Variants in TENM2 observed in about 807,000 individuals in gnomAD.
TENM2 encodes the protein teneurin-2.
In TENM2, 52 loss-of-function variants were observed where a neutral mutation model predicts 245.2. The ratio of observed to expected loss-of-function variants is 0.21; its 90% CI spans 0.17 to 0.27. The LOEUF is 0.27. TENM2 is among the 10% of genes least tolerant of loss of function. The pLI is 1.00. For missense variants in TENM2, 3,046 were observed against 3,666.8 expected, an observed-to-expected ratio of 0.83 and a Z score of 4.37; for synonymous variants, 1,363 against 1,438.9, an observed-to-expected ratio of 0.95 and a Z score of 1.19.
intron 2 of TENM2, among the ~76,000 whole-genome samples, chr5:167,439,734 T>C (rs993168794): frequency 6.6e-6 from 1 of 152,244 alleles, no homozygotes; most frequent in African/African-American, 2.4e-5. Flanking sequence ...ACATTATCCT[T>C]CTTCATCTGT....
At chr5:167,357,170 TA>T (rs1759392079) in intron 1 of TENM2, among the ~76,000 whole-genome samples, 2 of 152,210 alleles carry the variant, frequency 1.3e-5, no homozygotes, top group Non-Finnish European at 2.9e-5. Context: ...ATTTGTAACG[TA>T]ATACTAATTG....
chr5:167,698,684 T>TG (rs1554102356), intron 2 of TENM2, among the ~76,000 whole-genome samples: 116 of 133,190 alleles, frequency 8.7e-4, no homozygotes, highest in Middle Eastern at 7.3e-3. Context: ...TTTTTGTTTT[T>TG]TTTTTTTTTT....
the TENM2 span, among the ~76,000 whole-genome samples, chr5:167,180,989 A>G: frequency 1.3e-5 from 2 of 151,926 alleles, no homozygotes; most frequent in East Asian, 3.9e-4. Context: ...ATCCACATGT[A>G]ATGGGACCTA....
At chr5:167,016,911 C>T in the TENM2 span, among the ~76,000 whole-genome samples, 36 of 152,116 alleles carry the variant, frequency 2.4e-4, no homozygotes, top group African/African-American at 8.4e-4. Flanking sequence ...GAAGAATTAT[C>T]GAAGAAACCT....
intron 1 of TENM2, among the ~76,000 whole-genome samples, chr5:167,366,273 A>G (rs545742727): frequency 6.6e-6 from 1 of 152,272 alleles, no homozygotes; most frequent in African/African-American, 2.4e-5. Context: ...ATTTGAAAGC[A>G]TAAATGAAAT....
the TENM2 span, among the ~76,000 whole-genome samples, chr5:167,140,796 G>T: frequency 6.6e-6 from 1 of 152,158 alleles, no homozygotes; most frequent in Non-Finnish European, 1.5e-5. Flanking sequence ...CAAGATGAGA[G>T]AAGGATGTGT....
At chr5:167,248,242 A>G in the TENM2 span, among the ~76,000 whole-genome samples, 12 of 152,124 alleles carry the variant, frequency 7.9e-5, no homozygotes, top group East Asian at 2.3e-3. Context: ...ATTTGGGTTT[A>G]TATGTATTTT....
At chr5:167,696,533 C>G (rs181724108) in intron 2 of TENM2, among the ~76,000 whole-genome samples, 12 of 152,270 alleles carry the variant, frequency 7.9e-5, no homozygotes, top group Non-Finnish European at 2.9e-5. Flanking sequence ...ACTTATTTAT[C>G]GTTCTCTAAA....
intron 9 of TENM2, among the ~76,000 whole-genome samples, chr5:168,110,501 G>T (rs1392397822): frequency 6.6e-6 from 1 of 152,116 alleles, no homozygotes; most frequent in African/African-American, 2.4e-5. Flanking sequence ...CAAAAACAAG[G>T]GAAGGAAGAA....
rs538902579 is a variant in TENM2, at chr5:167,692,302, C to T, written c.503-183684C>T. Among the ~76,000 whole-genome samples, 12 of 152,314 alleles carry T rather than the reference C, an allele frequency of 7.9e-5. No homozygotes were observed. The East Asian group carries it at 2.3e-3, about 29-fold the overall frequency. On this transcript the variant is annotated intron_variant, in intron 2 of 28. Transcript: ENST00000518659. Reference sequence around the variant, plus strand: ...GGCCGAAGGCAATTGCCCCCATTCACTCTAACTTAGTAAATTAGTTCCTAA... The same window carrying T: ...GGCCGAAGGCAATTGCCCCCATTCATTCTAACTTAGTAAATTAGTTCCTAA...
chr5:167,176,423 C>G, the TENM2 span, among the ~76,000 whole-genome samples: 1 of 152,188 alleles, frequency 6.6e-6, no homozygotes, highest in Non-Finnish European at 1.5e-5. Flanking sequence ...TTCTATCTAA[C>G]TGGGCTGCAC....
chr5:168,051,885 A>C (rs1414352070), intron 6 of TENM2, among the ~76,000 whole-genome samples: 2 of 152,186 alleles, frequency 1.3e-5, no homozygotes, highest in East Asian at 3.9e-4. Context: ...GTTGAAACTG[A>C]TGTCATCTTT....
At chr5:167,507,822 T>G (rs1224361396) in intron 2 of TENM2, among the ~76,000 whole-genome samples, 1 of 152,168 alleles carries the variant, frequency 6.6e-6, no homozygotes, top group Non-Finnish European at 1.5e-5. Context: ...TTTTTCCTCT[T>G]GTTTTGTTTT....
At position 168,078,711 on chromosome 5, in the gene TENM2, G is replaced by C. The variant is rs536473506; in HGVS notation, c.1516-11863G>C. ...AATCCTTTCCCCATTTCTTGTTTTT[G>C]TCAGGTTTGTCAAAGATCAGATGGT... On this transcript the variant is annotated intron_variant, in intron 7 of 28. Transcript: ENST00000518659. Among the ~76,000 whole-genome samples the C allele has an allele frequency of 3.3e-5, 5 of 152,090 alleles. No homozygotes were observed. In the East Asian group the frequency reaches 7.7e-4, roughly 23 times the overall value.
chr5:167,698,679 G>GTT (rs1225922111), intron 2 of TENM2, among the ~76,000 whole-genome samples: 2,368 of 97,602 alleles, frequency 0.024, 26 homozygotes, highest in Non-Finnish European at 0.035. Context: ...TTTGTTTTTT[G>GTT]TTTTTTTTTT....
chr5:167,894,005 A>T, intron 3 of TENM2, among the ~76,000 whole-genome samples: 1 of 152,180 alleles, frequency 6.6e-6, no homozygotes, highest in East Asian at 1.9e-4. Context: ...AGTCCTAGAA[A>T]AATATAGCAA....
At chr5:167,087,838 G>A in the TENM2 span, among the ~76,000 whole-genome samples, 9 of 151,498 alleles carry the variant, frequency 5.9e-5, no homozygotes, top group African/African-American at 2.2e-4. Flanking sequence ...TGCCCAGGCT[G>A]GAGTGCAGTG....
chr5:167,804,774 A>G (rs1334280149), intron 2 of TENM2, among the ~76,000 whole-genome samples: 1 of 152,164 alleles, frequency 6.6e-6, no homozygotes, highest in Non-Finnish European at 1.5e-5. Flanking sequence ...GGACAGCTTA[A>G]TTGTCAGAGG....
At chr5:167,200,134 G>T in the TENM2 span, among the ~76,000 whole-genome samples, 3 of 152,034 alleles carry the variant, frequency 2.0e-5, no homozygotes, top group Non-Finnish European at 1.5e-5. Context: ...AAGTAAGACA[G>T]AAATACCTTT....
Sources: allele counts gnomAD v4.1 joint callset (sites outside exome capture counted in the v4.1 genomes callset), GRCh38; gene constraint gnomAD v4.1.1; transcripts MANE v1.5; gene names NCBI Gene and HGNC (gene_info 2026-07-23, HGNC 2026-07-21).